Variants in MGMT observed in about 807,000 individuals in gnomAD.
MGMT encodes methylated-DNA--protein-cysteine methyltransferase.
A neutral mutation model predicts 15.9 loss-of-function variants in MGMT; 14 were observed. The ratio of observed to expected loss-of-function variants is 0.88; its 90% confidence interval spans 0.58 to 1.37. The LOEUF (loss-of-function observed/expected upper bound fraction) is 1.37, where lower values mean the gene tolerates loss of function less well. MGMT is among the 40% of genes most tolerant of loss of function. MGMT has a pLI of 0.00. For missense variants in MGMT, 282 were observed against 268.1 expected, an observed-to-expected ratio of 1.05 and a Z score of -0.36; for synonymous variants, 130 against 118.2, an observed-to-expected ratio of 1.10 and a Z score of -0.65.
At chr10:129,495,942 C>T (rs2119665989) in intron 1 of MGMT, among the ~76,000 whole-genome samples, 1 of 152,304 alleles carries the variant, frequency 6.6e-6, no homozygotes, top group South Asian at 2.1e-4. Flanking sequence ...GGATGGATGG[C>T]ATGCAGCTGA....
intron 3 of MGMT, among the ~76,000 whole-genome samples, chr10:129,731,109 T>C (rs1487007615): frequency 1.3e-5 from 2 of 152,134 alleles, no homozygotes; most frequent in African/African-American, 2.4e-5. Context: ...GGTAGCATAA[T>C]CTGGCCTCCA....
intron 2 of MGMT, among the ~76,000 whole-genome samples, chr10:129,689,512 A>G (rs1304162582): frequency 6.6e-6 from 1 of 152,178 alleles, no homozygotes; most frequent in Non-Finnish European, 1.5e-5. Context: ...AGTTGCAAAT[A>G]TTTATTTTGA....
intron 1 of MGMT, among the ~76,000 whole-genome samples, chr10:129,522,049 T>G (rs1046230637): frequency 2.4e-5 from 2 of 81,688 alleles, no homozygotes; most frequent in African/African-American, 9.9e-5. Context: ...CTGCTGGGAC[T>G]TAATGCACAC....
Position 129,558,782 on chromosome 10 carries a change from TGTA to T in MGMT, c.125+22408_125+22410del, listed in dbSNP as rs912065234. Reference sequence around the variant, plus strand: ...CTTCATTTTCATTCTTTTGTGAAAATGTAGTTGCTTTGGAGCCTTTCGAAAAGT... The same window carrying T: ...CTTCATTTTCATTCTTTTGTGAAAATGTTGCTTTGGAGCCTTTCGAAAAGT... On this transcript the variant is annotated intron_variant, in intron 2 of 4. Transcript: ENST00000651593. 7.7e-4 allele frequency among the ~76,000 whole-genome samples: 117 copies of T among 152,324 alleles called. 1 individual carries two copies. The highest frequency in any genetic ancestry group is 1.8e-4 in the Non-Finnish European group (12 of 68,020).
intron 2 of MGMT, among the ~76,000 whole-genome samples, chr10:129,542,540 C>G (rs570162023): frequency 2.1e-4 from 32 of 152,276 alleles, no homozygotes; most frequent in Non-Finnish European, 4.0e-4. Flanking sequence ...CAAAAAAACG[C>G]GCTCTGTAGG....
chr10:129,582,983 G>A (rs756937790), intron 2 of MGMT, among the ~76,000 whole-genome samples: 5 of 152,154 alleles, frequency 3.3e-5, no homozygotes, highest in South Asian at 2.1e-4. Flanking sequence ...CCTAAATATC[G>A]GCTTTATTCT....
At chr10:129,577,507 C>G (rs1332002072) in intron 2 of MGMT, among the ~76,000 whole-genome samples, 3 of 152,184 alleles carry the variant, frequency 2.0e-5, no homozygotes, top group African/African-American at 4.8e-5. Flanking sequence ...AACTGGATCC[C>G]TTCCTTACAC....
At chr10:129,721,520 T>C (rs1848371176) in intron 3 of MGMT, among the ~76,000 whole-genome samples, 1 of 152,242 alleles carries the variant, frequency 6.6e-6, no homozygotes, top group African/African-American at 2.4e-5. Context: ...TTTTCTTCTA[T>C]TATTTTATTT....
chr10:129,632,453 C>T (rs938830685), intron 2 of MGMT, among the ~76,000 whole-genome samples: 8 of 148,892 alleles, frequency 5.4e-5, no homozygotes, highest in Non-Finnish European at 1.2e-4. Flanking sequence ...GGTATTTTCA[C>T]GTGAGACTTC....
In MGMT at chr10:129,566,698, A is replaced by G. The variant is rs1375034387; in HGVS notation, c.125+30321A>G. Among the ~76,000 whole-genome samples, 1 of 151,844 alleles carries G rather than the reference A, an allele frequency of 6.6e-6. No individual in the cohort carries two copies. The highest frequency in any genetic ancestry group is 2.4e-5 in the African/African-American group (1 of 41,344). On this transcript the variant is annotated intron_variant, in intron 2 of 4. Coordinates refer to ENST00000651593, the MANE Select transcript of MGMT (RefSeq NM_002412.5). The surrounding 1 kb of genome is among the most constrained non-coding windows in gnomAD (Gnocchi z 4.1). ...TCTCGTTGAAGGCCTGCGGAGATTC[A>G]GGTGCCATAGGGAGGGTCTGGGACT...
intron 4 of MGMT, among the ~76,000 whole-genome samples, chr10:129,761,960 G>A (rs780590717): frequency 4.6e-5 from 7 of 152,226 alleles, no homozygotes; most frequent in Admixed American, 1.3e-4. Context: ...CTTCAGCTAC[G>A]TAGTTTACTA....
chr10:129,551,826 C>T (rs1247126404), intron 2 of MGMT, among the ~76,000 whole-genome samples: 1 of 152,188 alleles, frequency 6.6e-6, no homozygotes, highest in East Asian at 1.9e-4. Context: ...GGCATAGCCT[C>T]CTGTGCCTGG....
At chr10:129,737,684 T>G (rs886563256) in intron 3 of MGMT, among the ~76,000 whole-genome samples, 2 of 152,334 alleles carry the variant, frequency 1.3e-5, no homozygotes, top group African/African-American at 4.8e-5. Flanking sequence ...TCTTTGTGGT[T>G]TTATCTACCT....
chr10:129,707,842 T>A (rs1270076705), intron 2 of MGMT, 53 bp from the exon 3 acceptor site: 2 of 1,605,356 alleles, frequency 1.2e-6, no homozygotes, highest in Non-Finnish European at 1.7e-6. Context: ...GCTTTTCCGA[T>A]GTGTGGAGGC....
intron 3 of MGMT, chr10:129,717,814 AATTTC>A (rs1240871450): frequency 6.6e-6 from 1 of 152,208 alleles, no homozygotes; most frequent in African/African-American, 2.4e-5. Flanking sequence ...TCTTTTTGAA[AATTTC>A]ATCAGAAGGT....
At chr10:129,702,304 C>T (rs570678945) in intron 2 of MGMT, among the ~76,000 whole-genome samples, 1 of 152,212 alleles carries the variant, frequency 6.6e-6, no homozygotes, top group African/African-American at 2.4e-5. Flanking sequence ...AGGTGCCCGA[C>T]GCCCTGTTGT....
At chr10:129,635,738 T>C (rs945412042) in intron 2 of MGMT, among the ~76,000 whole-genome samples, 13 of 152,350 alleles carry the variant, frequency 8.5e-5, no homozygotes, top group Non-Finnish European at 8.8e-5. Context: ...GAGCCACTAG[T>C]GGTCACCTAT....
At chr10:129,673,496 C>G (rs1471960219) in intron 2 of MGMT, among the ~76,000 whole-genome samples, 4 of 152,176 alleles carry the variant, frequency 2.6e-5, no homozygotes, top group Admixed American at 1.3e-4. Flanking sequence ...GTGCCTGCCA[C>G]CTTGCGGTCG....
At chr10:129,512,367 C>T (rs529178699) in intron 1 of MGMT, among the ~76,000 whole-genome samples, 2 of 152,066 alleles carry the variant, frequency 1.3e-5, no homozygotes, top group Non-Finnish European at 1.5e-5. Flanking sequence ...TTCTGTTACA[C>T]GTTAATTTAA....
Sources: gnomAD v4.1 joint callset for allele counts (sites outside exome capture counted in the v4.1 genomes callset) on GRCh38, gnomAD v4.1.1 for gene constraint, Gnocchi (gnomAD v3.1) non-coding constraint, MANE v1.5 for transcripts, NCBI Gene and HGNC (gene_info 2026-07-23, HGNC 2026-07-21) for gene names.